Variants in ZNF140 observed in about 807,000 individuals in gnomAD.
ZNF140 encodes zinc finger protein 140 (clone pHZ-39).
ZNF140 carries 13 observed loss-of-function variants against 12.9 expected under a neutral mutation model. The ratio of observed to expected loss-of-function variants is 1.01; its 90% CI spans 0.66 to 1.60. The LOEUF is 1.60. ZNF140 is among the 40% of genes most tolerant of loss of function. The probability of loss-of-function intolerance (pLI) is 0.00; values close to 1 mark genes in which losing one functional copy is unlikely to be tolerated. For synonymous variants in ZNF140, 214 were observed against 186.7 expected (o/e 1.15, Z -1.19); for missense variants, 531 against 548.8 (o/e 0.97, Z 0.32).
At chr12:133,105,485 TCAC>T in intron 4 of ZNF140, 22 bp from the exon 5 acceptor site, 1 of 1,540,642 alleles carries the variant, frequency 6.5e-7, no homozygotes, top group East Asian at 2.3e-5. Context: ...AAAGAAACAT[TCAC>T]TTTTTTTTTG....
chr12:133,101,098 T>A lies in ZNF140; in HGVS notation c.233-4412T>A, dbSNP rs369919513. On this transcript the variant is annotated intron_variant, in intron 4 of 4. Transcript: ENST00000355557. ...ACTTCTTTTTTCTTTGTATTTGATT[T>A]TCTGAAATTGGAATATAATATACCT... The A allele has an allele frequency of 7.2e-3, 2,774 of 386,436 alleles. 57 individuals are homozygous for A. The highest frequency in any genetic ancestry group is 0.054 in the African/African-American group (2,531 of 47,196). The allele number at this position is 386,436 out of a possible 1,614,324, so 23.9% of individuals were successfully genotyped here.
intron 4 of ZNF140, among the ~76,000 whole-genome samples, chr12:133,092,711 A>G (rs1954934587): frequency 6.6e-6 from 1 of 151,162 alleles, no homozygotes; most frequent in Admixed American, 6.6e-5. Context: ...CCTTTTAGTT[A>G]AATCACCATC....
At chr12:133,103,306 C>T (rs890570406) in intron 4 of ZNF140, among the ~76,000 whole-genome samples, 2 of 152,186 alleles carry the variant, frequency 1.3e-5, no homozygotes, top group Admixed American at 6.5e-5. Context: ...CTGTCCAACA[C>T]CCCCTTTGTT....
chr12:133,106,759 T>G lies in ZNF140; in HGVS notation c.*108T>G. 9.6e-7 allele frequency: 1 copy of G among 1,042,470 alleles called. No individual in the cohort carries two copies. Among genetic ancestry groups the G allele is most frequent in the South Asian group, 1.8e-5 (1 of 54,884 alleles). 64.6% of individuals were successfully genotyped at this position (1,042,470 alleles called of 1,614,324 possible). ...AGAAGCCTTATGTGAAAGTGATGAC[T>G]GTGAAGTAATATGGCCCACACTTTA... On this transcript the variant is annotated 3_prime_UTR_variant, in exon 5 of 5. Coordinates refer to ENST00000355557, the MANE Select transcript of ZNF140 (RefSeq NM_003440.4).
intron 4 of ZNF140, among the ~76,000 whole-genome samples, chr12:133,095,780 C>T (rs369123708): frequency 1.3e-5 from 2 of 151,372 alleles, no homozygotes; most frequent in Non-Finnish European, 1.5e-5. Flanking sequence ...AGGTACTATG[C>T]CTGGATGTGC....
chr12:133,092,186 A>G (rs1272268055), intron 4 of ZNF140, among the ~76,000 whole-genome samples: 1 of 151,210 alleles, frequency 6.6e-6, no homozygotes, highest in Non-Finnish European at 1.5e-5. Flanking sequence ...AATCACTGCA[A>G]TCAAAGTAAA....
chr12:133,083,125 T>C lies in ZNF140; in HGVS notation c.32T>C (p.Val11Ala). Residue 11 changes from valine (V) to alanine (A), a missense_variant, in exon 3 of 5, where the codon GTG (valine) becomes GCG (alanine). Coordinates refer to ENST00000355557, the MANE Select transcript of ZNF140 (RefSeq NM_003440.4). MSQGSVTFRD[V>A]AIDFSQEEWK... ...CAGGGGTCAGTGACATTCAGAGATG[T>C]GGCCATAGACTTCTCCCAGGAGGAG... The C allele has an allele frequency of 6.2e-7, 1 of 1,614,224 alleles. No homozygotes were observed. The highest frequency in any genetic ancestry group is 8.5e-7 in the Non-Finnish European group (1 of 1,180,034).
chr12:133,084,234 G>T, intron 4 of ZNF140: 3 of 373,644 alleles, frequency 8.0e-6, no homozygotes, highest in South Asian at 2.0e-5. Context: ...TTCAACCTGA[G>T]AAAGAAAAAA....
chr12:133,105,551 A>T lies in ZNF140; in HGVS notation c.274A>T (p.Asn92Tyr). ...SGEIKDFSPK[N>Y]VIYDDSSQYL... ...TGAGATCAAAGACTTTTCACCAAAAAATGTCATTTATGATGACTCATCCCA... is the reference window on the plus strand; with the variant it reads ...TGAGATCAAAGACTTTTCACCAAAATATGTCATTTATGATGACTCATCCCA... Residue 92 changes from asparagine to tyrosine, a missense_variant, in exon 5 of 5, where the codon AAT becomes TAT. Coordinates refer to ENST00000355557, the MANE Select transcript of ZNF140 (RefSeq NM_003440.4). The T allele has an allele frequency of 6.2e-7, 1 of 1,610,410 alleles. No homozygotes were observed. The highest frequency in any genetic ancestry group is 8.5e-7 in the Non-Finnish European group (1 of 1,178,946).
intron 4 of ZNF140, among the ~76,000 whole-genome samples, chr12:133,087,524 CAA>C (rs34656142): frequency 6.9e-6 from 1 of 144,938 alleles, no homozygotes. Flanking sequence ...TTTGGCTAGT[CAA>C]AAAAAAAAAG....
chr12:133,083,570 G>C lies in ZNF140; in HGVS notation c.232+9G>C, dbSNP rs1467668196. ...AAGAGATCTGTTTTCAGGTGAGTGA[G>C]TTGGAAGCTGATGGGGAAATTTTTT... On this transcript the variant is annotated intron_variant, in intron 4 of 4. Coordinates refer to ENST00000355557, the MANE Select transcript of ZNF140 (RefSeq NM_003440.4). The C allele has an allele frequency of 5.0e-6, 8 of 1,606,028 alleles. No homozygotes were observed. In the African/African-American group the frequency reaches 1.1e-4, roughly 22 times the overall value.
Position 133,106,551 on chromosome 12 carries a change from G to A in ZNF140, c.1274G>A (p.Ser425Asn). Residue 425 changes from serine to asparagine, a missense_variant, in exon 5 of 5, where the codon AGC becomes AAC. Coordinates refer to ENST00000355557, the MANE Select transcript of ZNF140 (RefSeq NM_003440.4). The stretch of plus-strand genomic sequence containing the variant: ...GTATGCAACAAATCCTTCAGCTGGA[G>A]CTCAAACCTTGCTAAACATCAGAGG... ...CKVCNKSFSW[S>N]SNLAKHQRTH... 2 of 1,613,882 alleles carry A rather than the reference G, an allele frequency of 1.2e-6. No homozygotes were observed. The highest frequency in any genetic ancestry group is 1.7e-6 in the Non-Finnish European group (2 of 1,179,998).
At chr12:133,101,233 G>A (rs1035352346) in intron 4 of ZNF140, among the ~76,000 whole-genome samples, 4 of 152,060 alleles carry the variant, frequency 2.6e-5, no homozygotes, top group Admixed American at 6.6e-5. Flanking sequence ...GAAATTCTCC[G>A]TCATTATTTC....
intron 4 of ZNF140, among the ~76,000 whole-genome samples, chr12:133,095,353 A>C (rs1300212444): frequency 6.6e-6 from 1 of 150,924 alleles, no homozygotes; most frequent in South Asian, 2.1e-4. Flanking sequence ...CTCCGAGCGC[A>C]CAAGCTTACC....
chr12:133,090,867 A>G (rs111678100), intron 4 of ZNF140, among the ~76,000 whole-genome samples: 38,433 of 122,156 alleles, frequency 0.31, 6,607 homozygotes, highest in South Asian at 0.36. Context: ...TGTAATCCAG[A>G]TTTATGTTTC....
chr12:133,097,819 A>ATGTGTGTGTGTGTGAGTG (rs1955184664), intron 4 of ZNF140, among the ~76,000 whole-genome samples: 1 of 143,162 alleles, frequency 7.0e-6, no homozygotes. Context: ...ACATCTAACC[A>ATGTGTGTGTGTGTGAGTG]TGTGTGTGTG....
Position 133,106,423 on chromosome 12 carries a change from G to A in ZNF140, c.1146G>A (p.Glu382=). 1.2e-6 allele frequency: 2 copies of A among 1,614,106 alleles called. No homozygotes were observed. Among genetic ancestry groups the A allele is most frequent in the Non-Finnish European group, 8.5e-7 (1 of 1,180,028 alleles). ...AACATACGAAGAGTCACACTGGAGA[G>A]AAACCCTATGCGTGTGCTGAATGTG... ...LIQHTKSHTG[E]KPYACAECDK... The change falls in exon 5 of 5, where the codon GAG becomes GAA. Residue 382 remains glutamate, a synonymous_variant. Coordinates refer to ENST00000355557, the MANE Select transcript of ZNF140 (RefSeq NM_003440.4).
Position 133,106,518 on chromosome 12 carries a change from T to A in ZNF140, c.1241T>A (p.Val414Glu). ...QRTHTGEKPY[V>E]CKVCNKSFSW... ...ACTCATACTGGAGAGAAACCCTATG[T>A]ATGTAAGGTATGCAACAAATCCTTC... Residue 414 changes from valine to glutamate, a missense_variant, in exon 5 of 5, where the codon GTA (valine) becomes GAA (glutamate). Coordinates refer to ENST00000355557, the MANE Select transcript of ZNF140 (RefSeq NM_003440.4). The A allele has an allele frequency of 6.2e-7, 1 of 1,614,076 alleles. No individual in the cohort carries two copies. Among genetic ancestry groups the A allele is most frequent in the African/African-American group, 1.3e-5 (1 of 75,050 alleles).
At chr12:133,097,018 T>C (rs925887790) in intron 4 of ZNF140, among the ~76,000 whole-genome samples, 45 of 152,368 alleles carry the variant, frequency 3.0e-4, no homozygotes, top group African/African-American at 1.0e-3. Flanking sequence ...CTCTGCCTAA[T>C]GTATTTTGAT....
Sources: gnomAD v4.1 joint callset for allele counts (sites outside exome capture counted in the v4.1 genomes callset) on GRCh38, gnomAD v4.1.1 for gene constraint, MANE v1.5 for transcripts, NCBI Gene and HGNC (gene_info 2026-07-23, HGNC 2026-07-21) for gene names.